Variants in THG1L observed in about 807,000 individuals in gnomAD.
THG1L encodes the protein tRNA-histidine guanylyltransferase 1 like.
A neutral mutation model predicts 35.2 loss-of-function variants in THG1L; 27 were observed. The observed-to-expected ratio is 0.77, with a 90% CI of 0.57 to 1.06. The LOEUF (loss-of-function observed/expected upper bound fraction) is 1.06. Ranked by LOEUF, THG1L falls within the 50% of genes least tolerant of loss-of-function variation. The probability of loss-of-function intolerance (pLI) is 0.00; values close to 1 mark genes in which losing one functional copy is unlikely to be tolerated. For missense variants in THG1L, 377 were observed against 371.8 expected (o/e 1.01, Z -0.12); for synonymous variants, 135 against 132.4 (o/e 1.02, Z -0.14).
rs1581446453 is a variant in THG1L, at chr5:157,741,253, T to G, written c.*1771T>G. On this transcript the variant is annotated 3_prime_UTR_variant, in exon 6 of 6. Coordinates refer to ENST00000231198, the MANE Select transcript of THG1L (RefSeq NM_017872.5). ...CGTGTCCCAGTCCCTCGTCTTGCAC[T>G]GCAGAATTTACATCTAAGAAGAAAA... 6.6e-6 allele frequency: 1 copy of G among 152,156 alleles called. No individual in the cohort carries two copies. 9.4% of individuals were successfully genotyped at this position (152,156 alleles called of 1,614,324 possible).
Position 157,737,963 on chromosome 5 carries a change from A to G in THG1L, c.704A>G (p.Tyr235Cys). The change falls in exon 5 of 6, where the codon TAT (tyrosine) becomes TGT (cysteine). Residue 235 changes from tyrosine (Y) to cysteine (C), a missense_variant. Coordinates refer to ENST00000231198, the MANE Select transcript of THG1L (RefSeq NM_017872.5). Reference sequence around the variant, plus strand: ...AACTATAATAATGAGCTGCCGATGTATAGGAAAGGGACTGTGTTGATATGG... The same window carrying G: ...AACTATAATAATGAGCTGCCGATGTGTAGGAAAGGGACTGTGTTGATATGG... The part of the protein sequence containing the change: ...NINYNNELPM[Y>C]RKGTVLIWQK... The G allele has an allele frequency of 1.2e-6, 2 of 1,613,184 alleles. No homozygotes were observed. The highest frequency in any genetic ancestry group is 2.2e-5 in the East Asian group (1 of 44,856).
rs1234599732 is a variant in THG1L, at chr5:157,740,206, G to C, written c.*724G>C. 6.6e-6 allele frequency: 1 copy of C among 152,172 alleles called. No homozygotes were observed. Among genetic ancestry groups the C allele is most frequent in the Non-Finnish European group, 1.5e-5 (1 of 68,030 alleles). The allele number at this position is 152,172 out of a possible 1,614,324, so 9.4% of individuals were successfully genotyped here. A position where few individuals can be genotyped will look rare whatever the true frequency, so the allele number is the denominator to read the frequency against. On this transcript the variant is annotated 3_prime_UTR_variant, in exon 6 of 6. Coordinates refer to ENST00000231198, the MANE Select transcript of THG1L (RefSeq NM_017872.5). ...AACAGAATTATGTGTATATATGAGA[G>C]AAAGAAACAAGAATGCGTGAATGAG...
chr5:157,731,759 C>A, intron 1 of THG1L, 128 bp downstream of exon 1: 1 of 1,187,466 alleles, frequency 8.4e-7, no homozygotes, highest in Non-Finnish European at 1.2e-6. Flanking sequence ...AATGAGTGCG[C>A]AGCATGGAGC....
chr5:157,733,472 A>G (rs1265757548), intron 2 of THG1L, among the ~76,000 whole-genome samples: 1 of 152,128 alleles, frequency 6.6e-6, no homozygotes, highest in African/African-American at 2.4e-5. Flanking sequence ...TGGGAAACAA[A>G]TCATATAATG....
At chr5:157,732,231 AAAAAAAAAAAAAAG>A (rs1394315181) in intron 1 of THG1L, among the ~76,000 whole-genome samples, 4,557 of 127,908 alleles carry the variant, frequency 0.036, 53 homozygotes, top group Non-Finnish European at 0.053. Context: ...AAAAAAAAAA[AAAAAAAAAAAAAAG>A]AGAGAGAGAG....
intron 1 of THG1L, among the ~76,000 whole-genome samples, chr5:157,731,920 G>T (rs868175640): frequency 2.0e-5 from 3 of 152,188 alleles, no homozygotes; most frequent in Non-Finnish European, 4.4e-5. Context: ...GTTGTTAAAA[G>T]TCACTCTCAT....
chr5:157,735,722 T>C, intron 3 of THG1L, 124 bp from the exon 4 acceptor site: 1 of 657,302 alleles, frequency 1.5e-6, no homozygotes, highest in Non-Finnish European at 2.5e-6. Flanking sequence ...GTCAAGTCAC[T>C]GAATGTCTCT....
chr5:157,735,980 T>C (rs763852853), intron 4 of THG1L, 46 bp downstream of exon 4: 1 of 1,298,304 alleles, frequency 7.7e-7, no homozygotes, highest in Non-Finnish European at 1.1e-6. Context: ...GACAGTTCGC[T>C]GTAGGCTCTC....
chr5:157,733,225 G>A (rs1366930825), intron 2 of THG1L, among the ~76,000 whole-genome samples, 181 bp downstream of exon 2: 1 of 152,150 alleles, frequency 6.6e-6, no homozygotes, highest in Non-Finnish European at 1.5e-5. Context: ...CATTCTGTGT[G>A]CCTCTTTTAT....
At chr5:157,737,480 C>CT (rs1760916120) in intron 4 of THG1L, among the ~76,000 whole-genome samples, 1 of 148,176 alleles carries the variant, frequency 6.7e-6, no homozygotes, top group Non-Finnish European at 1.5e-5. Flanking sequence ...GAGACTTTGT[C>CT]TAAAAAAAAA....
intron 2 of THG1L, among the ~76,000 whole-genome samples, chr5:157,733,623 G>A (rs771084404): frequency 6.0e-4 from 91 of 150,532 alleles, no homozygotes; most frequent in Non-Finnish European, 1.1e-3. Flanking sequence ...GAGCCACCAC[G>A]CCCAGCCTGA....
chr5:157,734,736 C>T lies in THG1L; in HGVS notation c.529C>T (p.Gln177Ter), dbSNP rs1231208679. 3 of 1,614,012 alleles carry T rather than the reference C, an allele frequency of 1.9e-6. No homozygotes were observed. The African/African-American group carries it at 4.0e-5, about 22-fold the overall frequency. ...QTLKDYLSWR[Q>*]ADCHINNLYN... ...TTTAAAGGACTACCTCAGCTGGCGA[C>T]AAGCAGATTGTGAGTGGCACCAAAT... Residue 177 changes from glutamine (Q) to a stop codon, truncating the protein, a stop_gained, in exon 3 of 6, where the codon CAA (glutamine) becomes TAA (stop). Transcript: ENST00000231198. LOFTEE classifies it high-confidence loss of function.
intron 4 of THG1L, among the ~76,000 whole-genome samples, chr5:157,736,355 T>C (rs1760889489): frequency 6.6e-6 from 1 of 152,042 alleles, no homozygotes; most frequent in South Asian, 2.1e-4. Flanking sequence ...GCTCAAGCGA[T>C]TCTCGTGCCT....
chr5:157,733,166 A>G (rs1760774130), intron 2 of THG1L, 122 bp downstream of exon 2: 2 of 1,111,672 alleles, frequency 1.8e-6, no homozygotes, highest in Non-Finnish European at 2.6e-6. Context: ...ACTGCAGAGT[A>G]CATGTATATT....
chr5:157,735,334 T>TACAC (rs147444070), intron 3 of THG1L, among the ~76,000 whole-genome samples: 1 of 150,788 alleles, frequency 6.6e-6, no homozygotes, highest in Non-Finnish European at 1.5e-5. Flanking sequence ...CAGCTACCTT[T>TACAC]ACACACACAC....
rs1369074866 is a variant in THG1L, at chr5:157,732,920, C to T, written c.244C>T (p.Leu82=). The T allele has an allele frequency of 6.2e-7, 1 of 1,614,224 alleles. No individual in the cohort carries two copies. ...AKPNDSRALQ[L]MTKCAQTVME... is the part of the protein sequence containing the mutation. ...ACCCAATGACAGCCGTGCTCTCCAGCTGATGACCAAATGTGCGCAGACTGT... is the reference window on the plus strand; with the variant it reads ...ACCCAATGACAGCCGTGCTCTCCAGTTGATGACCAAATGTGCGCAGACTGT... The change falls in exon 2 of 6, where the codon CTG becomes TTG. Residue 82 remains leucine (L), a synonymous_variant. Transcript: ENST00000231198.
In THG1L at chr5:157,737,900, C is replaced by G; in HGVS notation, c.641C>G (p.Ala214Gly). The G allele has an allele frequency of 3.1e-6, 5 of 1,612,188 alleles. No individual in the cohort carries two copies. In the South Asian group the frequency reaches 5.5e-5, roughly 18 times the overall value. The change falls in exon 5 of 6, where the codon GCA becomes GGA. Residue 214 changes from alanine to glycine, a missense_variant. Physicochemically the swap from Ala to Gly is moderately conservative, Grantham distance 60. Coordinates refer to ENST00000231198, the MANE Select transcript of THG1L (RefSeq NM_017872.5). ...TTATTTTCTCAGGGAACTCTTGCAGCAGACAAGAATGAGATTTTGTTTTCT... is the reference window on the plus strand; with the variant it reads ...TTATTTTCTCAGGGAACTCTTGCAGGAGACAAGAATGAGATTTTGTTTTCT... ...AQGRLQGTLA[A>G]DKNEILFSEF...
intron 4 of THG1L, 144 bp from the exon 5 acceptor site, chr5:157,737,743 A>G: frequency 1.6e-6 from 1 of 613,184 alleles, no homozygotes; most frequent in Non-Finnish European, 2.7e-6. Flanking sequence ...CCTTAAGATG[A>G]AAATTTACTA....
Position 157,733,185 on chromosome 5 carries a change from A to G in THG1L, c.368+141A>G, listed in dbSNP as rs1016931293. 26 of 974,666 alleles carry G rather than the reference A, an allele frequency of 2.7e-5. No homozygotes were observed. The Admixed American group carries it at 7.3e-4, about 27-fold the overall frequency. The allele number at this position is 974,666 out of a possible 1,614,324, so 60.4% of individuals were successfully genotyped here. A position where few individuals can be genotyped will look rare whatever the true frequency, so the allele number is the denominator to read the frequency against. Reference sequence around the variant, plus strand: ...CAGAGTACATGTATATTTCCTGTTTAGATTGTTGTACTTCCATCTGATAGC... The same window carrying G: ...CAGAGTACATGTATATTTCCTGTTTGGATTGTTGTACTTCCATCTGATAGC... On this transcript the variant is annotated intron_variant, in intron 2 of 5. Transcript: ENST00000231198.
Sources: allele counts gnomAD v4.1 joint callset (sites outside exome capture counted in the v4.1 genomes callset), GRCh38; gene constraint gnomAD v4.1.1; transcripts MANE v1.5; gene names NCBI Gene and HGNC (gene_info 2026-07-23, HGNC 2026-07-21).